Variants in PIK3R1 observed in about 807,000 individuals in gnomAD.
PIK3R1 encodes the protein phosphatidylinositol 3-kinase regulatory subunit alpha.
In PIK3R1, 29 loss-of-function variants were observed where a neutral mutation model predicts 98.0. That is an observed-to-expected ratio of 0.30 (90% CI 0.22 to 0.40). The LOEUF is 0.40. PIK3R1 is among the 10% of genes least tolerant of loss of function. The pLI, the probability that PIK3R1 is intolerant of heterozygous loss-of-function variation, is 1.00. For missense variants in PIK3R1, 596 were observed against 872.7 expected, an observed-to-expected ratio of 0.68 and a Z score of 3.99; for synonymous variants, 282 against 311.8, an observed-to-expected ratio of 0.90 and a Z score of 1.01.
chr5:68,240,250 T>A (rs1229909909), intron 2 of PIK3R1, among the ~76,000 whole-genome samples: 1 of 152,198 alleles, frequency 6.6e-6, no homozygotes, highest in African/African-American at 2.4e-5. Context: ...TTGAGTGTAC[T>A]GTTCTACTAA....
rs1013028971 is a variant in PIK3R1 at position 68,295,558 on chromosome 5, G to T, written c.1814+70G>T. 3.0e-6 allele frequency: 4 copies of T among 1,317,366 alleles called. No individual in the cohort carries two copies. In the African/African-American group the frequency reaches 5.8e-5, roughly 19 times the overall value. The allele number at this position is 1,317,366 out of a possible 1,614,324, so 81.6% of individuals were successfully genotyped here. A position where few individuals can be genotyped will look rare whatever the true frequency, so the allele number is the denominator to read the frequency against. On this transcript the variant is annotated intron_variant, in intron 14 of 15. Coordinates refer to ENST00000521381, the MANE Select transcript of PIK3R1 (RefSeq NM_181523.3). Reference sequence around the variant, plus strand: ...TTTAGGAAAATGCATGACTTGCTTTGTTTTTAGAACAAGTGAGGAATTTTA... The same window carrying T: ...TTTAGGAAAATGCATGACTTGCTTTTTTTTTAGAACAAGTGAGGAATTTTA...
rs534918218 is a variant in PIK3R1, at chr5:68,235,965, G to A, written c.334+8956G>A. On this transcript the variant is annotated intron_variant, in intron 2 of 15. Transcript: ENST00000521381. ...AGCTGACTGCAACCTCTGCCTCCTG[G>A]GTTCAAGCAGTTCTCCAGCCACAGC... 4.0e-5 allele frequency among the ~76,000 whole-genome samples: 6 copies of A among 151,590 alleles called. No homozygotes were observed. In the South Asian group the frequency reaches 1.0e-3, roughly 26 times the overall value.
Position 68,259,344 on chromosome 5 carries a change from G to A in PIK3R1, c.335-14046G>A, listed in dbSNP as rs555032700. ...TAAAATTACATGTGTGGCTTACAGC[G>A]AGACCCCACTATTTACAGGGCACTG... On this transcript the variant is annotated intron_variant, in intron 2 of 15. Coordinates refer to ENST00000521381, the MANE Select transcript of PIK3R1 (RefSeq NM_181523.3). 1.7e-4 allele frequency among the ~76,000 whole-genome samples: 26 copies of A among 152,224 alleles called. No individual in the cohort carries two copies. The East Asian group carries it at 3.3e-3, about 19-fold the overall frequency.
intron 1 of PIK3R1, among the ~76,000 whole-genome samples, chr5:68,222,296 G>T (rs963636382): frequency 1.3e-4 from 20 of 152,160 alleles, no homozygotes; most frequent in African/African-American, 4.6e-4. Context: ...TGGGTCTTCT[G>T]CAGTACTGTG....
At chr5:68,228,450 TTATTA>T (rs1489827380) in intron 2 of PIK3R1, among the ~76,000 whole-genome samples, 1 of 152,228 alleles carries the variant, frequency 6.6e-6, no homozygotes, top group Non-Finnish European at 1.5e-5. Context: ...ATAATATCTT[TTATTA>T]TATTGTTCAA....
rs754454562 is a variant in PIK3R1, at chr5:68,293,805, T to C, written c.1396T>C (p.Leu466=). The change falls in exon 11 of 16, where the codon TTA becomes CTA. Residue 466 remains leucine, a synonymous_variant. Coordinates refer to ENST00000521381, the MANE Select transcript of PIK3R1 (RefSeq NM_181523.3). ...AGAAAAAAGTCGAGAATATGATAGA[T>C]TATATGAAGAATATACCCGCACATC... The part of the protein sequence containing the change: ...FQEKSREYDR[L]YEEYTRTSQE... 1 of 1,582,202 alleles carries C rather than the reference T, an allele frequency of 6.3e-7. No individual in the cohort carries two copies. Among genetic ancestry groups the C allele is most frequent in the Admixed American group, 1.9e-5 (1 of 53,850 alleles).
At chr5:68,256,496 C>T (rs947202960) in intron 2 of PIK3R1, among the ~76,000 whole-genome samples, 1 of 152,200 alleles carries the variant, frequency 6.6e-6, no homozygotes, top group Non-Finnish European at 1.5e-5. Context: ...TCCCAAAGTG[C>T]TGGGATTACA....
intron 1 of PIK3R1, among the ~76,000 whole-genome samples, chr5:68,224,061 C>T (rs1042226839): frequency 6.6e-6 from 1 of 152,098 alleles, no homozygotes; most frequent in Non-Finnish European, 1.5e-5. Flanking sequence ...TTTTTTTCCC[C>T]CCTAAAAGAC....
chr5:68,223,455 A>G (rs1744167912), intron 1 of PIK3R1, among the ~76,000 whole-genome samples: 1 of 151,878 alleles, frequency 6.6e-6, no homozygotes, highest in Non-Finnish European at 1.5e-5. Context: ...GTCTGCATCA[A>G]TGGATGGATG....
chr5:68,290,622 T>C (rs1747333784), intron 7 of PIK3R1: 1 of 1,412,186 alleles, frequency 7.1e-7, no homozygotes, highest in African/African-American at 1.5e-5. Context: ...TGTAATAGGT[T>C]TCAGTGCAGC....
At chr5:68,216,778 C>CACTAGTGAGCT in intron 1 of PIK3R1, among the ~76,000 whole-genome samples, 1 of 151,990 alleles carries the variant, frequency 6.6e-6, no homozygotes. Context: ...ACAGCTCTAA[C>CACTAGTGAGCT]CTAAGCTCAG....
chr5:68,278,572 TG>T (rs1405550432), intron 4 of PIK3R1, among the ~76,000 whole-genome samples: 1 of 152,132 alleles, frequency 6.6e-6, no homozygotes, highest in Admixed American at 6.5e-5. Context: ...CCTCAGAGGA[TG>T]TTAGGAAATG....
At chr5:68,263,141 ATATT>A (rs907825492) in intron 2 of PIK3R1, among the ~76,000 whole-genome samples, 12 of 146,994 alleles carry the variant, frequency 8.2e-5, no homozygotes, top group Admixed American at 2.7e-4. Context: ...AGATACATAT[ATATT>A]TATATATGTA....
rs559384123 is a variant in PIK3R1 at position 68,295,606 on chromosome 5, G to A, written c.1814+118G>A. The A allele has an allele frequency of 1.2e-4, 105 of 846,132 alleles. No homozygotes were observed. The African/African-American group carries it at 1.7e-3, about 14-fold the overall frequency. The allele number at this position is 846,132 out of a possible 1,614,324, so 52.4% of individuals were successfully genotyped here. ...TTACTGAGTTTGGAACATCTTGTAG[G>A]AGAAAATGTATAAACTCAGTGCCAT... On this transcript the variant is annotated intron_variant, in intron 14 of 15. Coordinates refer to ENST00000521381, the MANE Select transcript of PIK3R1 (RefSeq NM_181523.3).
chr5:68,248,399 A>G (rs971184421), intron 2 of PIK3R1, among the ~76,000 whole-genome samples: 14 of 152,200 alleles, frequency 9.2e-5, no homozygotes, highest in Admixed American at 5.9e-4. Context: ...GATTCTTAAT[A>G]TTATCTTAAA....
At chr5:68,237,219 AAG>A in intron 2 of PIK3R1, among the ~76,000 whole-genome samples, 1 of 152,236 alleles carries the variant, frequency 6.6e-6, no homozygotes, top group Non-Finnish European at 1.5e-5. Flanking sequence ...CAGCTGCTTG[AAG>A]TCCATAAAAA....
Position 68,286,390 on chromosome 5 carries a change from G to C in PIK3R1, c.916+5384G>C, listed in dbSNP as rs578133827. Among the ~76,000 whole-genome samples, 9 of 152,296 alleles carry C rather than the reference G, an allele frequency of 5.9e-5. No individual in the cohort carries two copies. The East Asian group carries it at 1.5e-3, about 26-fold the overall frequency. ...CTAATTAGTGAGTCATATAGATCAA[G>C]TGACAGTAATACAATTATGTACATT... On this transcript the variant is annotated intron_variant, in intron 7 of 15. Coordinates refer to ENST00000521381, the MANE Select transcript of PIK3R1 (RefSeq NM_181523.3).
At chr5:68,232,236 A>G (rs1231324135) in intron 2 of PIK3R1, among the ~76,000 whole-genome samples, 1 of 152,238 alleles carries the variant, frequency 6.6e-6, no homozygotes, top group Non-Finnish European at 1.5e-5. Context: ...GAGCATTTAT[A>G]TTCTCAATAC....
chr5:68,217,375 A>C (rs944895857), intron 1 of PIK3R1: 2 of 152,210 alleles, frequency 1.3e-5, no homozygotes, highest in African/African-American at 4.8e-5. Flanking sequence ...GCAGGTTATT[A>C]GAATATTAGA....
Sources: allele counts gnomAD v4.1 joint callset (sites outside exome capture counted in the v4.1 genomes callset), GRCh38; gene constraint gnomAD v4.1.1; transcripts MANE v1.5; gene names NCBI Gene and HGNC (gene_info 2026-07-23, HGNC 2026-07-21).